DYNC2H1: variants seen among roughly 807,000 people sequenced by gnomAD.
DYNC2H1 encodes the protein dynein cytoplasmic 2 heavy chain 1, also known as cytoplasmic dynein 2 heavy chain 1.
A neutral mutation model predicts 570.0 loss-of-function variants in DYNC2H1; 410 were observed. That is an observed-to-expected ratio of 0.72 (90% CI 0.66 to 0.78). DYNC2H1 has a LOEUF of 0.78. Among genes scored for constraint, DYNC2H1 ranks in the 30% least tolerant of loss-of-function variants. The pLI, the probability that DYNC2H1 is intolerant of heterozygous loss-of-function variation, is 0.00. For missense variants in DYNC2H1, 4,865 were observed against 5,046.4 expected, an observed-to-expected ratio of 0.96 and a Z score of 1.09; for synonymous variants, 1,688 against 1,677.6, an observed-to-expected ratio of 1.01 and a Z score of -0.15.
chr11:103,131,519 T>C (rs1859269331), intron 13 of DYNC2H1, among the ~76,000 whole-genome samples: 1 of 151,052 alleles, frequency 6.6e-6, no homozygotes. Flanking sequence ...TCCCCAGTAT[T>C]CTTTTTTTTC....
chr11:103,149,271 C>T (rs1429322217), intron 20 of DYNC2H1, among the ~76,000 whole-genome samples: 1 of 151,894 alleles, frequency 6.6e-6, no homozygotes, highest in African/African-American at 2.4e-5. Context: ...ACTAGGAGTA[C>T]ACATATACAC....
intron 79 of DYNC2H1, among the ~76,000 whole-genome samples, chr11:103,312,568 C>CAAAAAAAAAAA (rs1591561544): frequency 6.2e-5 from 2 of 32,488 alleles, no homozygotes; most frequent in Non-Finnish European, 1.2e-4. Flanking sequence ...AAAAAAAAAC[C>CAAAAAAAAAAA]AATTGTAATG....
chr11:103,372,197 T>A (rs75551902), intron 83 of DYNC2H1, among the ~76,000 whole-genome samples: 1 of 151,848 alleles, frequency 6.6e-6, no homozygotes, highest in East Asian at 1.9e-4. Flanking sequence ...GCCTGTCTAA[T>A]TTTTGTATTT....
intron 82 of DYNC2H1, among the ~76,000 whole-genome samples, chr11:103,349,395 G>T (rs887819279): frequency 1.3e-5 from 2 of 151,962 alleles, no homozygotes; most frequent in African/African-American, 4.8e-5. Flanking sequence ...TGTCTTATTT[G>T]TATTTTGATA....
chr11:103,214,789 C>CTT (rs35102616), intron 54 of DYNC2H1, among the ~76,000 whole-genome samples: 22 of 139,812 alleles, frequency 1.6e-4, no homozygotes, highest in East Asian at 4.2e-4. Context: ...ATGTCTTTCC[C>CTT]TTTTTTTTTT....
intron 59 of DYNC2H1, among the ~76,000 whole-genome samples, chr11:103,224,491 C>G (rs773777223): frequency 6.6e-6 from 1 of 152,182 alleles, no homozygotes; most frequent in Non-Finnish European, 1.5e-5. Context: ...TGAGTGAGAA[C>G]GTACAATGTT....
At chr11:103,172,976 G>A in intron 34 of DYNC2H1, 106 bp from the exon 35 acceptor site, 1 of 536,058 alleles carries the variant, frequency 1.9e-6, no homozygotes, top group South Asian at 7.5e-5. Flanking sequence ...AATTCTGTTG[G>A]CAGCATATTT....
At chr11:103,457,586 C>T (rs569909265) in intron 87 of DYNC2H1, among the ~76,000 whole-genome samples, 8 of 138,190 alleles carry the variant, frequency 5.8e-5, no homozygotes, top group Admixed American at 2.3e-4. Flanking sequence ...TGATATAAAA[C>T]TATTTTTATA....
chr11:103,443,801 T>C (rs1306161573), intron 85 of DYNC2H1, among the ~76,000 whole-genome samples: 1 of 151,866 alleles, frequency 6.6e-6, no homozygotes, highest in Non-Finnish European at 1.5e-5. Context: ...CTCCTTTGTC[T>C]TTTATTTTTA....
At chr11:103,415,117 A>G (rs1294779484) in intron 84 of DYNC2H1, among the ~76,000 whole-genome samples, 1 of 152,242 alleles carries the variant, frequency 6.6e-6, no homozygotes, top group Non-Finnish European at 1.5e-5. Context: ...AGCCATATGT[A>G]GAAAGCTGAA....
intron 54 of DYNC2H1, among the ~76,000 whole-genome samples, chr11:103,214,200 T>G (rs900352084): frequency 1.3e-5 from 2 of 152,184 alleles, no homozygotes; most frequent in Non-Finnish European, 2.9e-5. Flanking sequence ...ATACAAATAC[T>G]GTGCCGTTTT....
At chr11:103,191,253 T>C (rs890501571) in intron 45 of DYNC2H1, among the ~76,000 whole-genome samples, 1 of 152,060 alleles carries the variant, frequency 6.6e-6, no homozygotes, top group South Asian at 2.1e-4. Flanking sequence ...TTGGCCAGGC[T>C]GGTCTTGAAC....
chr11:103,291,463 A>T (rs1221778336), intron 75 of DYNC2H1, among the ~76,000 whole-genome samples: 1 of 144,018 alleles, frequency 6.9e-6, no homozygotes, highest in Non-Finnish European at 1.5e-5. Context: ...AAATAAATAA[A>T]TAATTTTTTA....
intron 1 of DYNC2H1, among the ~76,000 whole-genome samples, chr11:103,112,172 G>C (rs1483993305): frequency 1.3e-5 from 2 of 152,080 alleles, no homozygotes; most frequent in African/African-American, 2.4e-5. Flanking sequence ...CTAAGCAAAA[G>C]AAACTGTAAG....
chr11:103,414,571 TAGTA>T (rs1943209178), intron 84 of DYNC2H1, among the ~76,000 whole-genome samples: 1 of 135,742 alleles, frequency 7.4e-6, no homozygotes, highest in South Asian at 2.5e-4. Context: ...GATATTCAGA[TAGTA>T]AGAGAGAAGT....
chr11:103,385,554 A>G (rs976067449), intron 83 of DYNC2H1, among the ~76,000 whole-genome samples: 1 of 152,200 alleles, frequency 6.6e-6, no homozygotes, highest in African/African-American at 2.4e-5. Context: ...CTGATCAGAA[A>G]GGATAATAAA....
intron 78 of DYNC2H1, among the ~76,000 whole-genome samples, chr11:103,309,123 A>G (rs11225678): frequency 0.17 from 25,577 of 148,538 alleles, 2,423 homozygotes; most frequent in Admixed American, 0.26. Context: ...ATGAAATAGC[A>G]AACTATTAAA....
chr11:103,382,122 C>T (rs1231799576), intron 83 of DYNC2H1, among the ~76,000 whole-genome samples: 1 of 84,684 alleles, frequency 1.2e-5, no homozygotes, highest in Non-Finnish European at 2.9e-5. Flanking sequence ...ATTTTTAATA[C>T]CTGTTGATGG....
At chr11:103,141,621 G>T (rs1859937509) in intron 17 of DYNC2H1, among the ~76,000 whole-genome samples, 1 of 152,148 alleles carries the variant, frequency 6.6e-6, no homozygotes, top group Admixed American at 6.5e-5. Flanking sequence ...CTACTGGGGG[G>T]TGCCTCCCAG....
Sources: allele counts gnomAD v4.1 joint callset (sites outside exome capture counted in the v4.1 genomes callset), GRCh38; gene constraint gnomAD v4.1.1; transcripts MANE v1.5; gene names NCBI Gene and HGNC (gene_info 2026-07-23, HGNC 2026-07-21).